TMEM156: variants seen among roughly 807,000 people sequenced by gnomAD.
The protein encoded by TMEM156 is transmembrane protein 156.
TMEM156 carries 28 observed loss-of-function variants against 30.5 expected under a neutral mutation model. That is an observed-to-expected ratio of 0.92 (90% CI 0.68 to 1.26). The LOEUF is 1.26. Ranked by LOEUF, TMEM156 falls within the 50% of genes most tolerant of loss-of-function variation. The pLI, the probability that TMEM156 is intolerant of heterozygous loss-of-function variation, is 0.00. For synonymous variants in TMEM156, 137 were observed against 119.9 expected, an observed-to-expected ratio of 1.14 and a Z score of -0.93; for missense variants, 351 against 340.6, an observed-to-expected ratio of 1.03 and a Z score of -0.24.
At chr4:39,019,094 T>G (rs1044759308) in intron 1 of TMEM156, among the ~76,000 whole-genome samples, 1 of 152,110 alleles carries the variant, frequency 6.6e-6, no homozygotes, top group African/African-American at 2.4e-5. Flanking sequence ...TCACTTATTT[T>G]GCTTGGGATT....
rs144250189 is a variant in TMEM156, at chr4:39,026,612, A to G, written c.88+5614T>C. On this transcript the variant is annotated intron_variant, in intron 1 of 6. Transcript: ENST00000381938. The stretch of plus-strand genomic sequence containing the variant: ...CATTAGTGGCCATTTTAAAATTGTA[A>G]TGATTCAGAAAATTCAATAAGAAAC... Among the ~76,000 whole-genome samples, 40 of 152,230 alleles carry G rather than the reference A, an allele frequency of 2.6e-4. No individual in the cohort carries two copies. In the East Asian group the frequency reaches 6.2e-3, roughly 24 times the overall value.
intron 1 of TMEM156, among the ~76,000 whole-genome samples, chr4:39,027,761 T>TC (rs201567330): frequency 0.18 from 26,097 of 144,888 alleles, 2,905 homozygotes; most frequent in African/African-American, 0.32. Flanking sequence ...TCTTTTTCTT[T>TC]TTTTTTTTTT....
intron 1 of TMEM156, among the ~76,000 whole-genome samples, chr4:39,004,679 C>G (rs1713606254): frequency 6.6e-6 from 1 of 152,014 alleles, no homozygotes; most frequent in African/African-American, 2.4e-5. Flanking sequence ...AATGAATATA[C>G]TATAATTTAT....
chr4:38,988,610 T>C (rs17508162), intron 4 of TMEM156, among the ~76,000 whole-genome samples: 68,149 of 152,040 alleles, frequency 0.45, 16,352 homozygotes, highest in East Asian at 0.66. Flanking sequence ...AATGTCCAGC[T>C]CATCAGCTTC....
At chr4:38,983,262 T>C (rs1711716814) in intron 5 of TMEM156, among the ~76,000 whole-genome samples, 1 of 152,212 alleles carries the variant, frequency 6.6e-6, no homozygotes, top group African/African-American at 2.4e-5. Flanking sequence ...CCAACAAATG[T>C]CCTCTCTGCA....
intron 1 of TMEM156, among the ~76,000 whole-genome samples, chr4:39,000,234 A>C (rs533840973): frequency 6.6e-6 from 1 of 152,250 alleles, no homozygotes; most frequent in South Asian, 2.1e-4. Context: ...TCTACAAAAA[A>C]TACAAAAATT....
intron 5 of TMEM156, among the ~76,000 whole-genome samples, chr4:38,985,730 C>T (rs900127966): frequency 6.6e-5 from 10 of 152,202 alleles, no homozygotes; most frequent in Non-Finnish European, 1.3e-4. Context: ...AAGAGGGCTT[C>T]GTCCATGTCA....
intron 5 of TMEM156, among the ~76,000 whole-genome samples, chr4:38,975,231 A>G (rs1722791265): frequency 6.6e-6 from 1 of 152,010 alleles, no homozygotes; most frequent in African/African-American, 2.4e-5. Context: ...TCTCCTCCAC[A>G]CACATCCATT....
At chr4:38,989,794 T>TTTTAA (rs1245030045) in intron 3 of TMEM156, among the ~76,000 whole-genome samples, 1 of 151,988 alleles carries the variant, frequency 6.6e-6, no homozygotes, top group African/African-American at 2.4e-5. Flanking sequence ...TTTTATCTTA[T>TTTTAA]TTTATTTTAT....
At chr4:38,970,726 A>G (rs1722558109) in intron 6 of TMEM156, among the ~76,000 whole-genome samples, 2 of 152,178 alleles carry the variant, frequency 1.3e-5, no homozygotes, top group Admixed American at 6.5e-5. Context: ...CTATTTTCTC[A>G]TAGTCTAACT....
intron 5 of TMEM156, among the ~76,000 whole-genome samples, chr4:38,977,764 T>G (rs185957728): frequency 5.6e-4 from 86 of 152,310 alleles, no homozygotes; most frequent in African/African-American, 2.0e-3. Flanking sequence ...TTTTTTTAAA[T>G]CCCAGTCTGA....
At chr4:38,999,475 C>T (rs1219315897) in intron 1 of TMEM156, among the ~76,000 whole-genome samples, 1 of 152,116 alleles carries the variant, frequency 6.6e-6, no homozygotes, top group Admixed American at 6.6e-5. Flanking sequence ...CTTCTGAATC[C>T]ATCTGTTCCA....
At chr4:38,987,712 T>C (rs1366290857) in intron 4 of TMEM156, among the ~76,000 whole-genome samples, 1 of 152,266 alleles carries the variant, frequency 6.6e-6, no homozygotes, top group African/African-American at 2.4e-5. Flanking sequence ...TGTATTTCCT[T>C]ACCTCAACCC....
At chr4:38,971,183 A>G in intron 5 of TMEM156, 46 bp from the exon 6 acceptor site, 1 of 1,546,022 alleles carries the variant, frequency 6.5e-7, no homozygotes, top group Non-Finnish European at 8.9e-7. Flanking sequence ...AGTAAATAGC[A>G]AAAAGAGACA....
At chr4:38,977,457 T>A (rs1722914617) in intron 5 of TMEM156, among the ~76,000 whole-genome samples, 1 of 152,182 alleles carries the variant, frequency 6.6e-6, no homozygotes. Context: ...TCCAAAGTCA[T>A]GTAACTTATA....
chr4:38,978,814 G>A (rs182220972), intron 5 of TMEM156, among the ~76,000 whole-genome samples: 188 of 151,956 alleles, frequency 1.2e-3, no homozygotes, highest in Non-Finnish European at 1.8e-3. Flanking sequence ...ACAGGGTCTC[G>A]CTCTGTCACC....
intron 1 of TMEM156, among the ~76,000 whole-genome samples, chr4:39,014,174 C>T (rs951630707): frequency 2.0e-5 from 3 of 152,004 alleles, no homozygotes; most frequent in African/African-American, 4.8e-5. Context: ...GTTTACTGAC[C>T]CCTGAATAAG....
chr4:38,984,347 C>CTGTGTGTGTGTG (rs1211976306), intron 5 of TMEM156, among the ~76,000 whole-genome samples: 11 of 130,546 alleles, frequency 8.4e-5, no homozygotes, highest in African/African-American at 3.4e-4. Context: ...CTCTCTCTCT[C>CTGTGTGTGTGTG]TCTGTGTGTG....
At chr4:39,026,430 GT>G (rs1715209521) in intron 1 of TMEM156, among the ~76,000 whole-genome samples, 1 of 152,044 alleles carries the variant, frequency 6.6e-6, no homozygotes, top group African/African-American at 2.4e-5. Context: ...GAGACAAGCA[GT>G]TAGAAAGCAC....
Sources: allele counts gnomAD v4.1 joint callset (sites outside exome capture counted in the v4.1 genomes callset), GRCh38; gene constraint gnomAD v4.1.1; transcripts MANE v1.5; gene names NCBI Gene and HGNC (gene_info 2026-07-23, HGNC 2026-07-21).